Variants in STXBP6 observed in about 807,000 individuals in gnomAD.
STXBP6 encodes the protein syntaxin-binding protein 6.
Under a neutral mutation model 26.9 loss-of-function variants are expected in STXBP6, and 21 were observed. The observed-to-expected ratio is 0.78, with a 90% confidence interval of 0.55 to 1.12. The LOEUF (loss-of-function observed/expected upper bound fraction) is 1.12, where lower values mean the gene tolerates loss of function less well. STXBP6 is among the 50% of genes most tolerant of loss of function. The pLI, the probability that STXBP6 is intolerant of heterozygous loss-of-function variation, is 0.00. For missense variants in STXBP6, 232 were observed against 257.9 expected (o/e 0.90, Z 0.69); for synonymous variants, 97 against 92.6 (o/e 1.05, Z -0.27).
At chr14:24,928,912 G>A (rs114930978) in intron 2 of STXBP6, among the ~76,000 whole-genome samples, 2,128 of 151,850 alleles carry the variant, frequency 0.014, 37 homozygotes, top group African/African-American at 0.041. Context: ...TAGTTTCCTT[G>A]TGTTGGAAAT....
intron 2 of STXBP6, among the ~76,000 whole-genome samples, chr14:24,866,778 A>ACGCCGC (rs2069737672): frequency 6.6e-6 from 1 of 151,484 alleles, no homozygotes; most frequent in Non-Finnish European, 1.5e-5. Flanking sequence ...CAGTGGACAG[A>ACGCCGC]CATACCATGG....
At chr14:24,952,757 C>T (rs983659048) in intron 2 of STXBP6, among the ~76,000 whole-genome samples, 3 of 152,098 alleles carry the variant, frequency 2.0e-5, no homozygotes, top group African/African-American at 4.8e-5. Flanking sequence ...AAAAAAGGTA[C>T]GTTGTTTTCC....
chr14:24,825,589 G>A (rs1594912999), intron 4 of STXBP6, among the ~76,000 whole-genome samples: 1 of 152,306 alleles, frequency 6.6e-6, no homozygotes, highest in Admixed American at 6.5e-5. Context: ...CATTCTATTA[G>A]GTCTTCTTTT....
At chr14:24,899,473 G>C (rs1460877483) in intron 2 of STXBP6, among the ~76,000 whole-genome samples, 1 of 152,054 alleles carries the variant, frequency 6.6e-6, no homozygotes, top group East Asian at 1.9e-4. Flanking sequence ...ATTTTACATA[G>C]GGCACCAAGA....
At chr14:24,865,431 A>G (rs1316106160) in intron 2 of STXBP6, among the ~76,000 whole-genome samples, 1 of 152,200 alleles carries the variant, frequency 6.6e-6, no homozygotes, top group East Asian at 1.9e-4. Flanking sequence ...GGATACCAAG[A>G]TGGCTAAAAT....
chr14:24,951,474 G>A (rs953642173), intron 2 of STXBP6, among the ~76,000 whole-genome samples: 1 of 152,168 alleles, frequency 6.6e-6, no homozygotes, highest in Non-Finnish European at 1.5e-5. Context: ...CTAATGACCA[G>A]TGATGATGAG....
chr14:24,916,421 T>C (rs185898191), intron 2 of STXBP6, among the ~76,000 whole-genome samples: 2 of 152,242 alleles, frequency 1.3e-5, no homozygotes, highest in Admixed American at 1.3e-4. Context: ...TGTGACATCA[T>C]CAGACACACA....
chr14:25,042,077 A>G (rs2075652566), intron 1 of STXBP6, among the ~76,000 whole-genome samples: 1 of 152,216 alleles, frequency 6.6e-6, no homozygotes, highest in African/African-American at 2.4e-5. Context: ...TGTTTCCCAG[A>G]AGAAAGAGGA....
At chr14:24,895,092 C>T (rs2070939594) in intron 2 of STXBP6, among the ~76,000 whole-genome samples, 1 of 152,134 alleles carries the variant, frequency 6.6e-6, no homozygotes, top group African/African-American at 2.4e-5. Context: ...AACCATGGTC[C>T]ACGTGTTAAG....
chr14:24,926,375 T>A (rs2072170575), intron 2 of STXBP6, among the ~76,000 whole-genome samples: 1 of 152,164 alleles, frequency 6.6e-6, no homozygotes, highest in African/African-American at 2.4e-5. Context: ...CCATGTTGCT[T>A]GGACTAGTCC....
intron 2 of STXBP6, among the ~76,000 whole-genome samples, chr14:24,934,398 G>A (rs2072525112): frequency 6.6e-6 from 1 of 152,114 alleles, no homozygotes. Context: ...AGTTATGGGA[G>A]AAAGAAAGTA....
At chr14:25,005,459 G>A (rs571795281) in intron 1 of STXBP6, among the ~76,000 whole-genome samples, 1 of 152,330 alleles carries the variant, frequency 6.6e-6, no homozygotes. Context: ...TGATGAGATT[G>A]ATCAAAAACC....
At chr14:24,977,319 T>C (rs1214557653) in intron 1 of STXBP6, among the ~76,000 whole-genome samples, 1 of 152,214 alleles carries the variant, frequency 6.6e-6, no homozygotes. Context: ...AGAGATAATG[T>C]GGTTTTACCA....
chr14:25,047,518 C>T (rs1329960435), intron 1 of STXBP6, among the ~76,000 whole-genome samples: 2 of 152,200 alleles, frequency 1.3e-5, no homozygotes, highest in Admixed American at 1.3e-4. Context: ...ATTCTATAGG[C>T]ATGGTCTGTA....
intron 1 of STXBP6, among the ~76,000 whole-genome samples, chr14:25,034,333 C>T (rs1405403334): frequency 2.0e-5 from 3 of 152,156 alleles, no homozygotes; most frequent in Non-Finnish European, 2.9e-5. Flanking sequence ...AATATCTTTC[C>T]CCTCCTTTAA....
At chr14:24,896,945 G>C (rs2073059470) in intron 2 of STXBP6, among the ~76,000 whole-genome samples, 2 of 152,120 alleles carry the variant, frequency 1.3e-5, no homozygotes, top group Admixed American at 1.3e-4. Context: ...AGAGAGGAAG[G>C]CTGTACCACT....
At chr14:24,885,637 A>G (rs1184505992) in intron 2 of STXBP6, among the ~76,000 whole-genome samples, 1 of 152,226 alleles carries the variant, frequency 6.6e-6, no homozygotes, top group Non-Finnish European at 1.5e-5. Context: ...CAATCCACAG[A>G]TGAATGACAT....
In STXBP6 at chr14:25,030,412, T is replaced by C. The variant is rs553290856; in HGVS notation, c.-33+19466A>G. Among the ~76,000 whole-genome samples the C allele has an allele frequency of 4.6e-5, 7 of 152,322 alleles. No individual in the cohort carries two copies. The South Asian group carries it at 1.4e-3, about 32-fold the overall frequency. ...AGCACCCTTTATTCTACTACAAGCC[T>C]TGGGGACTCTAATAACTCTCTTTTG... On this transcript the variant is annotated intron_variant, in intron 1 of 5. Coordinates refer to ENST00000323944, the MANE Select transcript of STXBP6 (RefSeq NM_001394410.1).
chr14:24,987,893 A>G, intron 1 of STXBP6: 1 of 985,404 alleles, frequency 1.0e-6, no homozygotes, highest in Non-Finnish European at 1.2e-6. Flanking sequence ...TACTCATTCA[A>G]TATCACTGCA....
Sources: gnomAD v4.1 joint callset for allele counts (sites outside exome capture counted in the v4.1 genomes callset) on GRCh38, gnomAD v4.1.1 for gene constraint, MANE v1.5 for transcripts, NCBI Gene and HGNC (gene_info 2026-07-23, HGNC 2026-07-21) for gene names.